Variants in HHIP observed in about 807,000 individuals in gnomAD.
HHIP encodes the protein hedgehog interacting protein.
A neutral mutation model predicts 74.0 loss-of-function variants in HHIP; 12 were observed. The ratio of observed to expected loss-of-function variants is 0.16; its 90% CI spans 0.10 to 0.26. The LOEUF (loss-of-function observed/expected upper bound fraction) is 0.26. HHIP is among the 10% of genes least tolerant of loss of function. The probability of loss-of-function intolerance (pLI) is 1.00; values close to 1 mark genes in which losing one functional copy is unlikely to be tolerated. For missense variants in HHIP, 788 were observed against 845.0 expected, an observed-to-expected ratio of 0.93 and a Z score of 0.84; for synonymous variants, 309 against 311.6, an observed-to-expected ratio of 0.99 and a Z score of 0.09.
chr4:144,716,747 G>A (rs946051415), intron 10 of HHIP, among the ~76,000 whole-genome samples: 13 of 150,800 alleles, frequency 8.6e-5, no homozygotes, highest in Non-Finnish European at 7.4e-5. Context: ...TACTTGGGAG[G>A]CTGAGGCAGG....
chr4:144,703,214 CAA>C (rs11398510), intron 4 of HHIP, among the ~76,000 whole-genome samples: 5 of 143,242 alleles, frequency 3.5e-5, no homozygotes, highest in Non-Finnish European at 3.0e-5. Flanking sequence ...AACTCCATCT[CAA>C]AAAAAAAAAA....
At chr4:144,700,028 T>A (rs1340697924) in intron 4 of HHIP, among the ~76,000 whole-genome samples, 1 of 152,222 alleles carries the variant, frequency 6.6e-6, no homozygotes, top group Admixed American at 6.5e-5. Context: ...TATATTTAAT[T>A]TTACCTTCTC....
At chr4:144,685,456 A>G (rs1729461110) in intron 4 of HHIP, 2 of 152,368 alleles carry the variant, frequency 1.3e-5, no homozygotes, top group Non-Finnish European at 2.9e-5. Flanking sequence ...AGACATTAAA[A>G]TGACTTTTAT....
rs529367984 is a variant in HHIP, at chr4:144,675,932, T to C, written c.831+16094T>C. On this transcript the variant is annotated intron_variant, in intron 4 of 12. Coordinates refer to ENST00000296575, the MANE Select transcript of HHIP (RefSeq NM_022475.3). Reference sequence around the variant, plus strand: ...TCAATCCTTTGGAGGAGATCAACAATAAGCAGTCATAGGAGCCATTAGTAT... The same window carrying C: ...TCAATCCTTTGGAGGAGATCAACAACAAGCAGTCATAGGAGCCATTAGTAT... 1.2e-4 allele frequency among the ~76,000 whole-genome samples: 18 copies of C among 152,300 alleles called. No homozygotes were observed. The South Asian group carries it at 3.7e-3, about 32-fold the overall frequency.
intron 2 of HHIP, among the ~76,000 whole-genome samples, chr4:144,656,791 A>T (rs991079414): frequency 1.3e-5 from 2 of 152,132 alleles, no homozygotes; most frequent in East Asian, 1.9e-4. Flanking sequence ...GTTTGATTTA[A>T]CAATTTAGTT....
rs1731259448 is a variant in HHIP at position 144,741,389 on chromosome 4, T to A, written c.*3432T>A. 6.8e-6 allele frequency: 1 copy of A among 147,732 alleles called. No individual in the cohort carries two copies. The highest frequency in any genetic ancestry group is 1.5e-5 in the Non-Finnish European group (1 of 66,722). 9.2% of individuals were successfully genotyped at this position (147,732 alleles called of 1,614,324 possible). A position where few individuals can be genotyped will look rare whatever the true frequency, so the allele number is the denominator to read the frequency against. ...TTTTTTTTTTTTTTTTGGTTTCTTT[T>A]TTTTTTTTTTTGAGACGGAGCCTTG... is the stretch of plus-strand genomic sequence containing the variant. On this transcript the variant is annotated 3_prime_UTR_variant, in exon 13 of 13. Coordinates refer to ENST00000296575, the MANE Select transcript of HHIP (RefSeq NM_022475.3).
At chr4:144,729,993 G>A (rs181867209) in intron 11 of HHIP, among the ~76,000 whole-genome samples, 7 of 152,152 alleles carry the variant, frequency 4.6e-5, no homozygotes, top group South Asian at 2.1e-4. Context: ...TCGTACCTCC[G>A]CACAGAATCA....
intron 4 of HHIP, among the ~76,000 whole-genome samples, chr4:144,662,510 C>T (rs1728742506): frequency 6.6e-6 from 1 of 151,972 alleles, no homozygotes; most frequent in Non-Finnish European, 1.5e-5. Flanking sequence ...CTTCTTTTTG[C>T]TATAGAAAAA....
rs541515123 is a variant in HHIP at position 144,691,593 on chromosome 4, G to C, written c.832-14938G>C. On this transcript the variant is annotated intron_variant, in intron 4 of 12. Coordinates refer to ENST00000296575, the MANE Select transcript of HHIP (RefSeq NM_022475.3). ...TTTCTTTTTTTAATAATCACATATA[G>C]TACATATAAATACAAACAGTGCCTC... Among the ~76,000 whole-genome samples, 50 of 152,002 alleles carry C rather than the reference G, an allele frequency of 3.3e-4. 3 individuals are homozygous for C. The South Asian group carries it at 0.01, about 32-fold the overall frequency.
At chr4:144,729,160 C>T (rs920366300) in intron 11 of HHIP, among the ~76,000 whole-genome samples, 12 of 152,166 alleles carry the variant, frequency 7.9e-5, no homozygotes, top group African/African-American at 2.4e-5. Flanking sequence ...TAAAGCTCCA[C>T]AGATGGAAGA....
chr4:144,683,419 T>C (rs1334504335), intron 4 of HHIP, among the ~76,000 whole-genome samples: 1 of 152,208 alleles, frequency 6.6e-6, no homozygotes, highest in Non-Finnish European at 1.5e-5. Flanking sequence ...TTTCCTTTTG[T>C]TTTAGGAATG....
chr4:144,728,845 T>C (rs1014280048), intron 11 of HHIP, among the ~76,000 whole-genome samples: 1 of 152,178 alleles, frequency 6.6e-6, no homozygotes, highest in African/African-American at 2.4e-5. Context: ...TATAAATATA[T>C]GATTCCTCGG....
rs1187021228 is a variant in HHIP at position 144,740,510 on chromosome 4, TTC to T, written c.*2555_*2556del. On this transcript the variant is annotated 3_prime_UTR_variant, in exon 13 of 13. Transcript: ENST00000296575. ...AAGTAAAATCATTGGAGTCATTTCT[TTC>T]TGTTCTTAGGAGAAAAGTAGATAGC... 6.6e-6 allele frequency: 1 copy of T among 152,234 alleles called. No individual in the cohort carries two copies. Among genetic ancestry groups the T allele is most frequent in the African/African-American group, 2.4e-5 (1 of 41,472 alleles). 9.4% of individuals were successfully genotyped at this position (152,234 alleles called of 1,614,324 possible). A position where few individuals can be genotyped will look rare whatever the true frequency, so the allele number is the denominator to read the frequency against.
chr4:144,673,577 A>T (rs970558603), intron 4 of HHIP, among the ~76,000 whole-genome samples: 3 of 152,196 alleles, frequency 2.0e-5, no homozygotes, highest in African/African-American at 7.2e-5. Flanking sequence ...AAATATGATT[A>T]TTTTTTAAAG....
At chr4:144,697,232 C>A (rs62343969) in intron 4 of HHIP, among the ~76,000 whole-genome samples, 1 of 151,846 alleles carries the variant, frequency 6.6e-6, no homozygotes, top group East Asian at 1.9e-4. Context: ...TTGCTTTCTC[C>A]AAGTGTTACC....
At chr4:144,671,065 A>C (rs1381465691) in intron 4 of HHIP, among the ~76,000 whole-genome samples, 1 of 152,140 alleles carries the variant, frequency 6.6e-6, no homozygotes, top group African/African-American at 2.4e-5. Flanking sequence ...CACATAGTTC[A>C]TCCTCTTACC....
chr4:144,684,227 A>T (rs1170927210), intron 4 of HHIP, among the ~76,000 whole-genome samples: 1 of 146,222 alleles, frequency 6.8e-6, no homozygotes, highest in East Asian at 2.0e-4. Context: ...CAAAAAAAAA[A>T]AAGAATTTTT....
In HHIP at chr4:144,646,700, C is replaced by T; in HGVS notation, c.25C>T (p.Leu9=). 4 of 1,613,422 alleles carry T rather than the reference C, an allele frequency of 2.5e-6. No individual in the cohort carries two copies. The highest frequency in any genetic ancestry group is 2.5e-6 in the Non-Finnish European group (3 of 1,179,494). ...GATGCTGAAGATGCTCTCCTTTAAG[C>T]TGCTGCTGCTGGCCGTGGCTCTGGG... MLKMLSFK[L]LLLAVALGFF... The change falls in exon 1 of 13, where the codon CTG becomes TTG. Residue 9 remains leucine, a synonymous_variant. Coordinates refer to ENST00000296575, the MANE Select transcript of HHIP (RefSeq NM_022475.3).
At chr4:144,668,412 T>G (rs938511158) in intron 4 of HHIP, among the ~76,000 whole-genome samples, 2 of 151,750 alleles carry the variant, frequency 1.3e-5, no homozygotes, top group Admixed American at 6.6e-5. Flanking sequence ...AGAGCAACAG[T>G]AGACAGTAGA....
Sources: allele counts gnomAD v4.1 joint callset (sites outside exome capture counted in the v4.1 genomes callset), GRCh38; gene constraint gnomAD v4.1.1; transcripts MANE v1.5; gene names NCBI Gene and HGNC (gene_info 2026-07-23, HGNC 2026-07-21).